Variants in TAF3 observed in about 807,000 individuals in gnomAD.
TAF3 encodes the protein transcription initiation factor TFIID subunit 3.
In TAF3, 7 loss-of-function variants were observed where a neutral mutation model predicts 80.6. The ratio of observed to expected loss-of-function variants is 0.09; its 90% CI spans 0.05 to 0.16. TAF3 has a LOEUF of 0.16. Among genes scored for constraint, TAF3 ranks in the 10% least tolerant of loss-of-function variants. The pLI is 1.00. For synonymous variants in TAF3, 444 were observed against 446.1 expected (o/e 1.00, Z 0.06); for missense variants, 921 against 1,140.2 (o/e 0.81, Z 2.77).
chr10:7,841,133 G>T (rs920731463), intron 2 of TAF3, among the ~76,000 whole-genome samples: 1 of 152,224 alleles, frequency 6.6e-6, no homozygotes, highest in African/African-American at 2.4e-5. Context: ...TTACAGGCGT[G>T]AGCTGCCGCG....
At chr10:7,953,771 A>T (rs1380856261) in intron 2 of TAF3, among the ~76,000 whole-genome samples, 25 of 151,940 alleles carry the variant, frequency 1.6e-4, no homozygotes, top group African/African-American at 5.6e-4. Flanking sequence ...CAGAGTGCAC[A>T]TCATAGGCAA....
At chr10:7,961,073 A>G (rs1838184837) in intron 2 of TAF3, among the ~76,000 whole-genome samples, 1 of 152,224 alleles carries the variant, frequency 6.6e-6, no homozygotes, top group African/African-American at 2.4e-5. Flanking sequence ...GTTCTGAGAA[A>G]GCTGCACTGG....
intron 4 of TAF3, among the ~76,000 whole-genome samples, chr10:7,991,948 G>A (rs562874306): frequency 2.6e-5 from 4 of 152,122 alleles, no homozygotes; most frequent in African/African-American, 9.6e-5. Flanking sequence ...TACCTTTAAT[G>A]TTTTCAAATA....
chr10:7,826,588 ATTT>A (rs1836744395), intron 2 of TAF3, among the ~76,000 whole-genome samples: 2 of 152,342 alleles, frequency 1.3e-5, no homozygotes, highest in African/African-American at 4.8e-5. Context: ...AATTATAAAC[ATTT>A]TAAAAGGAAA....
At chr10:7,888,544 A>G (rs899183788) in intron 2 of TAF3, among the ~76,000 whole-genome samples, 2 of 152,186 alleles carry the variant, frequency 1.3e-5, no homozygotes, top group African/African-American at 4.8e-5. Context: ...TGGAGGGTTG[A>G]CAGGGCTCAT....
Position 8,009,182 on chromosome 10 carries a change from T to TCGTCAGCCCTGCGCC in TAF3, c.2424_2438dup (p.Ser809_Val813dup). The TCGTCAGCCCTGCGCC allele has an allele frequency of 1.3e-6, 2 of 1,510,250 alleles. No homozygotes were observed. The highest frequency in any genetic ancestry group is 1.8e-6 in the Non-Finnish European group (2 of 1,127,270). The allele number at this position is 1,510,250 out of a possible 1,614,324, so 93.6% of individuals were successfully genotyped here. A position where few individuals can be genotyped will look rare whatever the true frequency, so the allele number is the denominator to read the frequency against. On this transcript the variant is annotated inframe_insertion, in exon 5 of 7. Coordinates refer to ENST00000344293, the MANE Select transcript of TAF3 (RefSeq NM_031923.4). The surrounding 1 kb of genome is among the most constrained non-coding windows in gnomAD (Gnocchi z 4.1). ...CCCGCGCCCGCCCCCGGCCCCATGC[T>TCGTCAGCCCTGCGCC]CGTCAGCCCTGCGCCCGTGCCGCTG...
intron 2 of TAF3, among the ~76,000 whole-genome samples, chr10:7,851,976 G>T (rs1298717771): frequency 6.6e-6 from 1 of 151,272 alleles, no homozygotes; most frequent in Non-Finnish European, 1.5e-5. Flanking sequence ...TAGAGATGAC[G>T]TCTTGTCATG....
At chr10:7,843,642 C>G (rs1836941059) in intron 2 of TAF3, among the ~76,000 whole-genome samples, 1 of 109,846 alleles carries the variant, frequency 9.1e-6, no homozygotes, top group South Asian at 2.9e-4. Flanking sequence ...ATCTCTTTCT[C>G]ACTCTTTTTT....
At chr10:7,852,074 A>G (rs2131126468) in intron 2 of TAF3, among the ~76,000 whole-genome samples, 1 of 152,052 alleles carries the variant, frequency 6.6e-6, no homozygotes, top group South Asian at 2.1e-4. Flanking sequence ...CTGAGCCACC[A>G]TGCCAAGCCT....
At position 7,936,035 on chromosome 10, in the gene TAF3, C is replaced by CT. The variant is rs553671873; in HGVS notation, c.410-27884dup. Among the ~76,000 whole-genome samples, 32 of 152,206 alleles carry CT rather than the reference C, an allele frequency of 2.1e-4. 1 individual carries two copies. In the South Asian group the frequency reaches 5.8e-3, roughly 28 times the overall value. ...TCCTGATGGAGGCTGTGGGGATAAT[C>CT]TAAGAGACACGGCGGTGTCCTGGAC... On this transcript the variant is annotated intron_variant, in intron 2 of 6. Transcript: ENST00000344293.
chr10:8,009,209 C>T lies in TAF3; in HGVS notation c.2447C>T (p.Pro816Leu). ...GTCAGCCCTGCGCCCGTGCCGCTGC[C>T]GCTGCTCGCCCAGGCCGCCGCGGGC... is the stretch of plus-strand genomic sequence containing the variant. ...MLVSPAPVPL[P>L]LLAQAAAGPA... Residue 816 changes from proline to leucine, a missense_variant, in exon 5 of 7, where the codon CCG becomes CTG. Physicochemically the swap from Pro to Leu is moderately conservative, Grantham distance 98. Around this residue, in one of 6 missense-constraint regions of TAF3, gnomAD observed 743 missense variants for 821.0 expected, o/e 0.90. Transcript: ENST00000344293. The surrounding 1 kb of genome is among the most constrained non-coding windows in gnomAD (Gnocchi z 4.1). 1 of 1,448,992 alleles carries T rather than the reference C, an allele frequency of 6.9e-7. No homozygotes were observed. Among genetic ancestry groups the T allele is most frequent in the Non-Finnish European group, 9.1e-7 (1 of 1,101,512 alleles). The allele number at this position is 1,448,992 out of a possible 1,614,324, so 89.8% of individuals were successfully genotyped here. A position where few individuals can be genotyped will look rare whatever the true frequency, so the allele number is the denominator to read the frequency against.
chr10:7,855,821 C>T (rs942086578), intron 2 of TAF3, among the ~76,000 whole-genome samples: 12 of 151,996 alleles, frequency 7.9e-5, no homozygotes, highest in Admixed American at 6.6e-4. Context: ...GTGGCTCACA[C>T]CTGTAATCCC....
At chr10:7,832,486 A>G (rs1328364076) in intron 2 of TAF3, among the ~76,000 whole-genome samples, 1 of 152,224 alleles carries the variant, frequency 6.6e-6, no homozygotes, top group African/African-American at 2.4e-5. Flanking sequence ...CACAATGTGT[A>G]GTAATTACAT....
chr10:7,827,553 G>T (rs565229434), intron 2 of TAF3, among the ~76,000 whole-genome samples: 2 of 151,982 alleles, frequency 1.3e-5, no homozygotes, highest in Admixed American at 6.6e-5. Flanking sequence ...AGGCGGAGAC[G>T]GGCGGATCAC....
intron 2 of TAF3, among the ~76,000 whole-genome samples, chr10:7,869,158 T>C (rs1323860607): frequency 6.6e-6 from 1 of 152,172 alleles, no homozygotes; most frequent in Non-Finnish European, 1.5e-5. Flanking sequence ...AGAAAAATTT[T>C]AAAATGTAGA....
At chr10:7,850,682 A>AT (rs1554777152) in intron 2 of TAF3, among the ~76,000 whole-genome samples, 19 of 106,906 alleles carry the variant, frequency 1.8e-4, no homozygotes, top group Admixed American at 3.2e-4. Flanking sequence ...CTCAAAAAAA[A>AT]AAAAATATAT....
chr10:7,911,664 C>G, intron 2 of TAF3, among the ~76,000 whole-genome samples: 1 of 152,192 alleles, frequency 6.6e-6, no homozygotes, highest in Middle Eastern at 3.2e-3. Context: ...CCTGAACGTA[C>G]GCTTAGTTTG....
intron 2 of TAF3, among the ~76,000 whole-genome samples, chr10:7,950,710 A>G (rs1838073850): frequency 1.3e-5 from 2 of 152,246 alleles, no homozygotes; most frequent in South Asian, 2.1e-4. Flanking sequence ...ATTCAGTCGC[A>G]TGCGTTGCCT....
rs79016748 is a variant in TAF3 at position 7,837,341 on chromosome 10, C to CAA, written c.409+12796_409+12797dup. Among the ~76,000 whole-genome samples the CAA allele has an allele frequency of 5.5e-5, 5 of 90,096 alleles. 1 individual carries two copies. Among genetic ancestry groups the CAA allele is most frequent in the Non-Finnish European group, 6.7e-5 (3 of 44,492 alleles). The allele number at this position is 90,096 out of a possible 152,430, so 59.1% of individuals were successfully genotyped here. On this transcript the variant is annotated intron_variant, in intron 2 of 6. Coordinates refer to ENST00000344293, the MANE Select transcript of TAF3 (RefSeq NM_031923.4). ...TTGCACCACTGTGCTCCAGTCTGGG[C>CAA]AAAAAAAAAAAAAAAAGTCAGCTGG...
Sources: allele counts gnomAD v4.1 joint callset (sites outside exome capture counted in the v4.1 genomes callset), GRCh38; gene constraint gnomAD v4.1.1; regional missense constraint gnomAD v4.1.1; non-coding constraint Gnocchi (gnomAD v3.1); transcripts MANE v1.5; gene names NCBI Gene and HGNC (gene_info 2026-07-23, HGNC 2026-07-21).